CSMD1: variants seen among roughly 807,000 people sequenced by gnomAD.
The protein encoded by CSMD1 is CUB and sushi domain-containing protein 1.
Under a neutral mutation model 417.5 loss-of-function variants are expected in CSMD1, and 213 were observed. That is an observed-to-expected ratio of 0.51 (90% CI 0.46 to 0.57). CSMD1 has a LOEUF of 0.57. CSMD1 is among the 20% of genes least tolerant of loss of function. The pLI is 0.00. For synonymous variants in CSMD1, 2,862 were observed against 1,736.8 expected (o/e 1.65, Z -16.11); for missense variants, 6,923 against 4,529.7 (o/e 1.53, Z -15.17).
intron 3 of CSMD1, among the ~76,000 whole-genome samples, chr8:4,185,041 A>G (rs1216091031): frequency 2.0e-5 from 3 of 148,208 alleles, no homozygotes; most frequent in African/African-American, 7.5e-5. Context: ...TGGGAGGCTG[A>G]GGCAGGAGAA....
intron 7 of CSMD1, among the ~76,000 whole-genome samples, chr8:3,693,597 C>A (rs565190495): frequency 6.6e-6 from 1 of 152,168 alleles, no homozygotes; most frequent in South Asian, 2.1e-4. Flanking sequence ...AAAATCCCCA[C>A]CCTTATTCCA....
intron 5 of CSMD1, among the ~76,000 whole-genome samples, chr8:3,906,438 C>A (rs1406244084): frequency 6.6e-6 from 1 of 151,992 alleles, no homozygotes; most frequent in East Asian, 1.9e-4. Context: ...ATGTTTAATG[C>A]CTTAGAAATC....
intron 2 of CSMD1, among the ~76,000 whole-genome samples, chr8:4,563,021 G>A (rs1192922591): frequency 6.6e-6 from 1 of 152,120 alleles, no homozygotes; most frequent in East Asian, 1.9e-4. Context: ...AAATTCCGGT[G>A]TTTTAAACAG....
chr8:4,932,889 T>A (rs1463330298), intron 1 of CSMD1, among the ~76,000 whole-genome samples: 1 of 152,238 alleles, frequency 6.6e-6, no homozygotes, highest in African/African-American at 2.4e-5. Flanking sequence ...TATTAATTTT[T>A]ACTATGGCTT....
rs189933251 is a variant in CSMD1 at position 3,402,742 on chromosome 8, T to A, written c.2267-3213A>T. Among the ~76,000 whole-genome samples, 1,209 of 152,310 alleles carry A rather than the reference T, an allele frequency of 7.9e-3. 5 individuals carry two copies. The highest frequency in any genetic ancestry group is 0.014 in the Admixed American group (211 of 15,298). Reference sequence around the variant, plus strand: ...TCTTTTTATCAGAATCATAAACAGTTTGTCTATTTTATTGATATTAACAAC... The same window carrying A: ...TCTTTTTATCAGAATCATAAACAGTATGTCTATTTTATTGATATTAACAAC... On this transcript the variant is annotated intron_variant, in intron 15 of 69. Transcript: ENST00000635120.
intron 7 of CSMD1, among the ~76,000 whole-genome samples, chr8:3,688,849 A>C (rs1450194530): frequency 1.3e-5 from 2 of 152,228 alleles, no homozygotes; most frequent in Non-Finnish European, 2.9e-5. Flanking sequence ...ATAGCAATCA[A>C]TTAAAAAGAA....
chr8:3,329,091 G>C (rs986258313), intron 23 of CSMD1, among the ~76,000 whole-genome samples: 4 of 152,146 alleles, frequency 2.6e-5, no homozygotes, highest in South Asian at 2.1e-4. Flanking sequence ...AGTTGAGGGA[G>C]AGAGAAGATG....
chr8:4,113,670 C>A (rs1421031465), intron 3 of CSMD1, among the ~76,000 whole-genome samples: 4 of 152,148 alleles, frequency 2.6e-5, no homozygotes, highest in African/African-American at 9.7e-5. Flanking sequence ...TCCCAAAGTG[C>A]TAGGATTACA....
chr8:3,854,098 A>G (rs1451886437), intron 5 of CSMD1, among the ~76,000 whole-genome samples: 2 of 146,508 alleles, frequency 1.4e-5, no homozygotes, highest in Non-Finnish European at 3.0e-5. Flanking sequence ...AAATTACATT[A>G]TACTTTATAT....
intron 6 of CSMD1, among the ~76,000 whole-genome samples, chr8:3,742,984 G>T (rs987968890): frequency 6.6e-6 from 1 of 152,148 alleles, no homozygotes; most frequent in Non-Finnish European, 1.5e-5. Flanking sequence ...ACAACTAGTG[G>T]AAGCAGTAAA....
chr8:3,945,090 G>C (rs947262900), intron 5 of CSMD1, among the ~76,000 whole-genome samples: 1 of 150,940 alleles, frequency 6.6e-6, no homozygotes, highest in African/African-American at 2.4e-5. Flanking sequence ...AATGTGAACA[G>C]GCTGACCCCA....
intron 7 of CSMD1, among the ~76,000 whole-genome samples, chr8:3,641,690 C>T (rs554681229): frequency 3.3e-5 from 5 of 152,198 alleles, no homozygotes; most frequent in Admixed American, 2.0e-4. Flanking sequence ...ACAGAGGGGG[C>T]CAGGAGCTCA....
chr8:4,178,654 G>T (rs182136403), intron 3 of CSMD1, among the ~76,000 whole-genome samples: 53 of 152,248 alleles, frequency 3.5e-4, no homozygotes, highest in Non-Finnish European at 6.2e-4. Flanking sequence ...CCTTTTTGCA[G>T]ATAATATGAT....
intron 2 of CSMD1, among the ~76,000 whole-genome samples, chr8:4,608,018 G>A (rs1330894606): frequency 6.6e-6 from 1 of 152,134 alleles, no homozygotes; most frequent in Non-Finnish European, 1.5e-5. Flanking sequence ...GGGATAATGT[G>A]AGGGTGTGTC....
chr8:4,742,320 G>A (rs570091154), intron 1 of CSMD1, among the ~76,000 whole-genome samples: 3 of 151,938 alleles, frequency 2.0e-5, no homozygotes, highest in African/African-American at 7.2e-5. Flanking sequence ...ATGAGCCACT[G>A]CACCTGACCA....
chr8:3,835,670 C>G (rs1802647670), intron 5 of CSMD1, among the ~76,000 whole-genome samples: 1 of 151,530 alleles, frequency 6.6e-6, no homozygotes, highest in Admixed American at 6.6e-5. Context: ...ATGTAACAAA[C>G]CTGCACATTG....
intron 3 of CSMD1, among the ~76,000 whole-genome samples, chr8:4,147,206 C>A (rs1804191685): frequency 6.6e-6 from 1 of 152,104 alleles, no homozygotes; most frequent in African/African-American, 2.4e-5. Context: ...CACACAACTA[C>A]TGAAAAAGAA....
At chr8:4,743,183 C>A (rs1480444000) in intron 1 of CSMD1, among the ~76,000 whole-genome samples, 1 of 152,066 alleles carries the variant, frequency 6.6e-6, no homozygotes, top group Non-Finnish European at 1.5e-5. Flanking sequence ...TAATCTATTT[C>A]AAGAAAAATA....
At chr8:4,005,429 C>G (rs1816036014) in intron 4 of CSMD1, among the ~76,000 whole-genome samples, 1 of 152,308 alleles carries the variant, frequency 6.6e-6, no homozygotes, top group South Asian at 2.1e-4. Flanking sequence ...TAGACACAGA[C>G]AAGTGCTTTG....
Sources: allele counts gnomAD v4.1 joint callset (sites outside exome capture counted in the v4.1 genomes callset), GRCh38; gene constraint gnomAD v4.1.1; transcripts MANE v1.5; gene names NCBI Gene and HGNC (gene_info 2026-07-23, HGNC 2026-07-21).